Variants in CFDP1 observed in about 807,000 individuals in gnomAD.
The protein encoded by CFDP1 is chromatin remodeling protein CFDP1, also known as heterochromatin-stabilizing protein CFDP1.
In CFDP1, 31 loss-of-function variants were observed where a neutral mutation model predicts 40.1. That is an observed-to-expected ratio of 0.77 (90% CI 0.58 to 1.04). CFDP1 has a LOEUF of 1.04. Ranked by LOEUF, CFDP1 falls within the 50% of genes least tolerant of loss-of-function variation. The pLI, the probability that CFDP1 is intolerant of heterozygous loss-of-function variation, is 0.00. For synonymous variants in CFDP1, 167 were observed against 120.0 expected (o/e 1.39, Z -2.56); for missense variants, 423 against 343.4 (o/e 1.23, Z -1.83).
chr16:75,330,701 A>C (rs962561052), intron 5 of CFDP1, among the ~76,000 whole-genome samples: 37 of 152,328 alleles, frequency 2.4e-4, no homozygotes, highest in Non-Finnish European at 4.6e-4. Flanking sequence ...TTAGGAAAAA[A>C]CACTCAATTT....
rs143652833 is a variant in CFDP1 at position 75,428,358 on chromosome 16, G to A, written c.64+4931C>T. Among the ~76,000 whole-genome samples the A allele has an allele frequency of 3.4e-3, 513 of 152,266 alleles. 2 individuals are homozygous for A. Among genetic ancestry groups the A allele is most frequent in the African/African-American group, 0.01 (434 of 41,546 alleles). ...TGGCTGGGCTCAGTGGCTCACACCT[G>A]TAATCCCAGCACTTTGGGAGGCCGA... On this transcript the variant is annotated intron_variant, in intron 1 of 6. Coordinates refer to ENST00000283882, the MANE Select transcript of CFDP1 (RefSeq NM_006324.3).
intron 5 of CFDP1, among the ~76,000 whole-genome samples, chr16:75,383,422 G>C (rs184677910): frequency 4.9e-4 from 74 of 152,284 alleles, no homozygotes; most frequent in African/African-American, 1.7e-3. Flanking sequence ...GCTATGATTA[G>C]GATGAATGAC....
At chr16:75,318,243 T>C (rs1044068845) in intron 5 of CFDP1, among the ~76,000 whole-genome samples, 1 of 152,078 alleles carries the variant, frequency 6.6e-6, no homozygotes, top group African/African-American at 2.4e-5. Flanking sequence ...CACACTCTCA[T>C]GAACATTCCC....
chr16:75,410,656 C>T (rs942614883), intron 4 of CFDP1, among the ~76,000 whole-genome samples: 1 of 151,966 alleles, frequency 6.6e-6, no homozygotes, highest in Non-Finnish European at 1.5e-5. Flanking sequence ...CACCTGTAAT[C>T]CCAGCACTTT....
chr16:75,319,391 G>A (rs2078346891), intron 5 of CFDP1, among the ~76,000 whole-genome samples: 3 of 152,174 alleles, frequency 2.0e-5, no homozygotes, highest in Admixed American at 6.5e-5. Context: ...CAAATGAGGA[G>A]GAGATAGACA....
intron 1 of CFDP1, among the ~76,000 whole-genome samples, chr16:75,421,032 A>T (rs1490377629): frequency 1.3e-5 from 2 of 152,202 alleles, no homozygotes; most frequent in Non-Finnish European, 2.9e-5. Context: ...TAATCTCATT[A>T]ATAATGAGAC....
chr16:75,411,715 C>T (rs2079164169), intron 4 of CFDP1, 110 bp downstream of exon 4: 1 of 1,142,048 alleles, frequency 8.8e-7, no homozygotes, highest in Admixed American at 2.6e-5. Context: ...AAGTATAACT[C>T]TCCCAAAATA....
intron 5 of CFDP1, among the ~76,000 whole-genome samples, chr16:75,352,681 G>C (rs2078621312): frequency 6.6e-6 from 1 of 152,190 alleles, no homozygotes; most frequent in African/African-American, 2.4e-5. Flanking sequence ...GTGTGAAAGT[G>C]ATATGCATTC....
intron 1 of CFDP1, chr16:75,418,904 G>A (rs757029925): frequency 1.8e-4 from 29 of 161,780 alleles, no homozygotes; most frequent in Non-Finnish European, 3.2e-4. Context: ...CAAGGTGGGT[G>A]AGTATGGGGG....
intron 5 of CFDP1, among the ~76,000 whole-genome samples, chr16:75,341,583 ACTC>A (rs1486840899): frequency 6.6e-6 from 1 of 151,316 alleles, no homozygotes; most frequent in Non-Finnish European, 1.5e-5. Context: ...TATAAATGCA[ACTC>A]CTATGTCTGG....
intron 1 of CFDP1, among the ~76,000 whole-genome samples, chr16:75,418,618 T>G (rs1272024386): frequency 6.6e-6 from 1 of 151,990 alleles, no homozygotes; most frequent in South Asian, 2.1e-4. Flanking sequence ...TAACCCTTTT[T>G]AAGTATTTCC....
chr16:75,410,724 T>G (rs2079153220), intron 4 of CFDP1, among the ~76,000 whole-genome samples: 1 of 150,286 alleles, frequency 6.7e-6, no homozygotes, highest in Admixed American at 6.7e-5. Flanking sequence ...CCGGCTAACA[T>G]GGTGAAACCC....
chr16:75,360,979 A>C (rs1374262177), intron 5 of CFDP1, among the ~76,000 whole-genome samples: 1 of 152,102 alleles, frequency 6.6e-6, no homozygotes, highest in Non-Finnish European at 1.5e-5. Flanking sequence ...ATTTTTGGCT[A>C]TTCTTTCAAA....
intron 5 of CFDP1, among the ~76,000 whole-genome samples, chr16:75,367,611 G>A (rs772766483): frequency 1.3e-5 from 2 of 151,768 alleles, no homozygotes; most frequent in Non-Finnish European, 2.9e-5. Context: ...TGGCCAACAT[G>A]GTGAAACCCC....
At chr16:75,335,710 C>T (rs1247672236) in intron 5 of CFDP1, among the ~76,000 whole-genome samples, 1 of 152,100 alleles carries the variant, frequency 6.6e-6, no homozygotes, top group Non-Finnish European at 1.5e-5. Context: ...GCGCCCGCCA[C>T]CATGCCCGGA....
chr16:75,374,418 T>C (rs537233172), intron 5 of CFDP1, among the ~76,000 whole-genome samples: 6 of 152,120 alleles, frequency 3.9e-5, no homozygotes, highest in African/African-American at 1.4e-4. Flanking sequence ...TTTATATAAA[T>C]AAAAAACACT....
chr16:75,414,614 T>C lies in CFDP1; in HGVS notation c.146A>G (p.Gln49Arg). Residue 49 changes from glutamine (Q) to arginine (R), a missense_variant, in exon 2 of 7, where the codon CAA becomes CGA. Physicochemically the swap from Gln to Arg is conservative, Grantham distance 43. Transcript: ENST00000283882. ...VDGEEQTQKTQGKKRKAQSIP... is the reference protein window; with the variant it reads ...VDGEEQTQKTRGKKRKAQSIP... ...GCTCTGGGCCTTTCTTTTTTTCCCTTGGGTTTTCTGTGTCTGCTCTTCACC... is the reference window on the plus strand; with the variant it reads ...GCTCTGGGCCTTTCTTTTTTTCCCTCGGGTTTTCTGTGTCTGCTCTTCACC... 1 of 1,613,994 alleles carries C rather than the reference T, an allele frequency of 6.2e-7. No individual in the cohort carries two copies. Among genetic ancestry groups the C allele is most frequent in the African/African-American group, 1.3e-5 (1 of 75,032 alleles).
intron 5 of CFDP1, 41 bp from the exon 6 acceptor site, chr16:75,305,223 C>G: frequency 6.3e-7 from 1 of 1,597,968 alleles, no homozygotes; most frequent in Non-Finnish European, 8.6e-7. Context: ...GGTAAAAACT[C>G]TGATCTCTAT....
At chr16:75,355,820 G>C (rs2078641136) in intron 5 of CFDP1, among the ~76,000 whole-genome samples, 1 of 152,176 alleles carries the variant, frequency 6.6e-6, no homozygotes, top group African/African-American at 2.4e-5. Flanking sequence ...ATGACTGTAA[G>C]TTTCCTGAGG....
Sources: gnomAD v4.1 joint callset for allele counts (sites outside exome capture counted in the v4.1 genomes callset) on GRCh38, gnomAD v4.1.1 for gene constraint, MANE v1.5 for transcripts, NCBI Gene and HGNC (gene_info 2026-07-23, HGNC 2026-07-21) for gene names.